The following FOXP2 variants were observed in gnomAD, a reference collection of about 807,000 sequenced individuals.
FOXP2 encodes forkhead box protein P2.
Under a neutral mutation model 115.8 loss-of-function variants are expected in FOXP2, and 12 were observed. That is an observed-to-expected ratio of 0.10 (90% CI 0.07 to 0.17). FOXP2 has a LOEUF of 0.17. FOXP2 is among the 10% of genes least tolerant of loss of function. The probability of loss-of-function intolerance (pLI) is 1.00; values close to 1 mark genes in which losing one functional copy is unlikely to be tolerated. For missense variants in FOXP2, 629 were observed against 843.5 expected, an observed-to-expected ratio of 0.75 and a Z score of 3.15; for synonymous variants, 328 against 297.7, an observed-to-expected ratio of 1.10 and a Z score of -1.05.
intron 3 of FOXP2, among the ~76,000 whole-genome samples, chr7:114,557,681 T>G (rs1000639794): frequency 3.3e-5 from 5 of 152,094 alleles, no homozygotes; most frequent in Admixed American, 2.6e-4. Flanking sequence ...ACTACAAAAT[T>G]TATTTTTGTA....
At chr7:114,659,246 C>A in intron 11 of FOXP2, 110 bp from the exon 12 acceptor site, 1 of 787,522 alleles carries the variant, frequency 1.3e-6, no homozygotes, top group Non-Finnish European at 2.2e-6. Context: ...TTTCACTAGT[C>A]GGTGGCTTCC....
At chr7:114,299,575 T>G (rs1211131173) in intron 2 of FOXP2, among the ~76,000 whole-genome samples, 1 of 151,994 alleles carries the variant, frequency 6.6e-6, no homozygotes, top group Non-Finnish European at 1.5e-5. Flanking sequence ...GTGTTTAATT[T>G]ATTAAACATG....
intron 1 of FOXP2, among the ~76,000 whole-genome samples, chr7:114,106,148 C>T (rs1170377040): frequency 6.6e-6 from 1 of 152,080 alleles, no homozygotes; most frequent in African/African-American, 2.4e-5. Flanking sequence ...TACATCCTTG[C>T]TGCGTGACCT....
chr7:114,150,740 G>A (rs2129148818), intron 1 of FOXP2, among the ~76,000 whole-genome samples: 1 of 151,976 alleles, frequency 6.6e-6, no homozygotes, highest in East Asian at 1.9e-4. Flanking sequence ...GTCACTGGTG[G>A]TCACTTTCCA....
At chr7:114,530,867 C>G (rs912182025) in intron 2 of FOXP2, among the ~76,000 whole-genome samples, 21 of 151,754 alleles carry the variant, frequency 1.4e-4, no homozygotes, top group Non-Finnish European at 7.4e-5. Context: ...AGAAAAAATG[C>G]ACTCAATTAT....
chr7:114,210,820 G>T (rs1406559130), intron 1 of FOXP2, among the ~76,000 whole-genome samples: 1 of 152,086 alleles, frequency 6.6e-6, no homozygotes, highest in Non-Finnish European at 1.5e-5. Flanking sequence ...GGAGGGATAA[G>T]CTCTATCTGT....
intron 1 of FOXP2, among the ~76,000 whole-genome samples, chr7:114,188,620 C>T (rs978900307): frequency 2.6e-5 from 4 of 152,118 alleles, no homozygotes; most frequent in African/African-American, 4.8e-5. Flanking sequence ...GACAGAGTCT[C>T]GCTCTGTTGC....
At chr7:114,583,613 G>C (rs1293577267) in intron 3 of FOXP2, among the ~76,000 whole-genome samples, 13 of 152,242 alleles carry the variant, frequency 8.5e-5, no homozygotes, top group African/African-American at 3.1e-4. Context: ...TTCATTCTAA[G>C]TTGATGACTG....
intron 2 of FOXP2, among the ~76,000 whole-genome samples, chr7:114,372,267 G>A (rs1482844864): frequency 6.6e-6 from 1 of 152,012 alleles, no homozygotes; most frequent in Non-Finnish European, 1.5e-5. Flanking sequence ...AAAAAAAACT[G>A]TTTGAAAGCA....
At chr7:114,395,854 G>A (rs898139566) in intron 2 of FOXP2, among the ~76,000 whole-genome samples, 2 of 151,212 alleles carry the variant, frequency 1.3e-5, no homozygotes, top group African/African-American at 4.9e-5. Context: ...GGGCAGGGGG[G>A]GTCACGTTTT....
chr7:114,258,350 A>C (rs989276850), intron 1 of FOXP2, among the ~76,000 whole-genome samples: 2 of 152,200 alleles, frequency 1.3e-5, no homozygotes, highest in Non-Finnish European at 2.9e-5. Flanking sequence ...TAATGTTCCT[A>C]TGCAAAGGAA....
chr7:114,366,423 T>C (rs1791883787), intron 2 of FOXP2: 2 of 152,196 alleles, frequency 1.3e-5, no homozygotes, highest in Non-Finnish European at 2.9e-5. Flanking sequence ...TATGTTACAA[T>C]ACACAGTTCA....
chr7:114,351,767 A>T (rs1252626747), intron 2 of FOXP2, among the ~76,000 whole-genome samples: 3 of 152,120 alleles, frequency 2.0e-5, no homozygotes, highest in Admixed American at 6.6e-5. Flanking sequence ...TTCCTTCATT[A>T]TTATGGAGAT....
intron 1 of FOXP2, among the ~76,000 whole-genome samples, chr7:114,244,004 A>G (rs550507943): frequency 2.6e-4 from 39 of 152,152 alleles, no homozygotes; most frequent in African/African-American, 9.4e-4. Flanking sequence ...TTTTCATATA[A>G]TGAGTTTTCA....
At chr7:114,610,845 G>T (rs1461748557) in intron 3 of FOXP2, among the ~76,000 whole-genome samples, 3 of 151,778 alleles carry the variant, frequency 2.0e-5, no homozygotes, top group Admixed American at 6.6e-5. Context: ...ATATTGCCCA[G>T]GCTGGTCTCA....
chr7:114,449,254 T>C (rs1794966261), intron 2 of FOXP2, among the ~76,000 whole-genome samples: 1 of 152,118 alleles, frequency 6.6e-6, no homozygotes, highest in Admixed American at 6.6e-5. Flanking sequence ...TCTAAAAATA[T>C]CAAGGTTAAG....
chr7:114,359,595 G>T (rs1791698262), intron 2 of FOXP2, among the ~76,000 whole-genome samples: 1 of 152,236 alleles, frequency 6.6e-6, no homozygotes, highest in South Asian at 2.1e-4. Flanking sequence ...GGGCAGAGCT[G>T]TCCAAGACCA....
chr7:114,500,300 A>AT (rs1350957370), intron 2 of FOXP2, among the ~76,000 whole-genome samples: 2 of 151,548 alleles, frequency 1.3e-5, no homozygotes, highest in Admixed American at 1.3e-4. Flanking sequence ...TGGCTCAAGG[A>AT]TTTTTTCGTC....
chr7:114,653,088 T>A (rs1019565266), intron 9 of FOXP2, among the ~76,000 whole-genome samples: 3 of 152,168 alleles, frequency 2.0e-5, no homozygotes, highest in Non-Finnish European at 4.4e-5. Context: ...TTCTTCATAT[T>A]TTATTACATC....
Sources: gnomAD v4.1 joint callset for allele counts (sites outside exome capture counted in the v4.1 genomes callset) on GRCh38, gnomAD v4.1.1 for gene constraint, MANE v1.5 for transcripts, NCBI Gene and HGNC (gene_info 2026-07-23, HGNC 2026-07-21) for gene names.